The following GNAS variants were observed in gnomAD, a reference collection of about 807,000 sequenced individuals.
GNAS encodes protein ALEX.
A neutral mutation model predicts 54.5 loss-of-function variants in GNAS; 8 were observed. That is an observed-to-expected ratio of 0.15 (90% CI 0.09 to 0.26). The LOEUF (loss-of-function observed/expected upper bound fraction) is 0.26. GNAS is among the 10% of genes least tolerant of loss of function. The pLI is 1.00. For missense variants in GNAS, 170 were observed against 529.8 expected, an observed-to-expected ratio of 0.32 and a Z score of 6.67; for synonymous variants, 204 against 191.4, an observed-to-expected ratio of 1.07 and a Z score of -0.54.
chr20:58,853,253 C>A lies in GNAS; in HGVS notation c.43+12367C>A. ...GGAGCCCCAAACTTATTTTGAGAGG[C>A]CGCCACCGTGTTATGGGCGTGCGCA... On this transcript the variant is annotated intron_variant, in intron 1 of 12. Transcript: ENST00000306090. This position sits in a 1 kb window ranked among gnomAD's most constrained non-coding sequence, Gnocchi z 4.4. The A allele has an allele frequency of 6.5e-7, 1 of 1,528,158 alleles. No individual in the cohort carries two copies. Among genetic ancestry groups the A allele is most frequent in the Non-Finnish European group, 8.8e-7 (1 of 1,132,022 alleles). The allele number at this position is 1,528,158 out of a possible 1,614,324, so 94.7% of individuals were successfully genotyped here.
At chr20:58,902,194 C>T (rs1246072281) in intron 3 of GNAS, among the ~76,000 whole-genome samples, 1 of 152,054 alleles carries the variant, frequency 6.6e-6, no homozygotes, top group East Asian at 1.9e-4. Flanking sequence ...ATGACAACGC[C>T]CTCACCTCCC....
chr20:58,845,377 C>T (rs2145500891), intron 1 of GNAS, among the ~76,000 whole-genome samples: 1 of 152,206 alleles, frequency 6.6e-6, no homozygotes, highest in African/African-American at 2.4e-5. Flanking sequence ...CTTACTTGCC[C>T]CTCCCCATGA....
intron 1 of GNAS, among the ~76,000 whole-genome samples, chr20:58,866,925 A>G (rs1328714394): frequency 6.6e-6 from 1 of 152,172 alleles, no homozygotes; most frequent in East Asian, 1.9e-4. Flanking sequence ...TACTATCAGG[A>G]TTTCTTTAGG....
At position 58,849,496 on chromosome 20, in the gene GNAS, CT is replaced by C. The variant is rs34774634; in HGVS notation, c.43+8615del. 5.3e-5 allele frequency among the ~76,000 whole-genome samples: 8 copies of C among 152,322 alleles called. No individual in the cohort carries two copies. In the South Asian group the frequency reaches 1.7e-3, roughly 32 times the overall value. The stretch of plus-strand genomic sequence containing the variant: ...GCCAATTTGAATGTGTGATCTTTAT[CT>C]TTTTCTGAACTTCAGACCTTTCCTC... On this transcript the variant is annotated intron_variant, in intron 1 of 12. Transcript: ENST00000306090.
At chr20:58,870,384 C>T (rs2087359920) in intron 1 of GNAS, among the ~76,000 whole-genome samples, 1 of 152,240 alleles carries the variant, frequency 6.6e-6, no homozygotes, top group African/African-American at 2.4e-5. Context: ...ACCCTGTAGA[C>T]CGTGGGGAAC....
chr20:58,854,070 G>T, intron 1 of GNAS: 2 of 1,611,700 alleles, frequency 1.2e-6, no homozygotes, highest in East Asian at 2.2e-5. Context: ...CCTCACTCCC[G>T]CCGCGAACGC....
intron 1 of GNAS, among the ~76,000 whole-genome samples, chr20:58,878,098 G>T (rs148154167): frequency 4.6e-5 from 7 of 152,344 alleles, no homozygotes; most frequent in African/African-American, 1.4e-4. Context: ...GGAAGTGCAG[G>T]CTGTGTTGAG....
intron 1 of GNAS, among the ~76,000 whole-genome samples, chr20:58,894,432 C>T (rs1379178530): frequency 2.0e-5 from 3 of 152,048 alleles, no homozygotes; most frequent in Non-Finnish European, 4.4e-5. Flanking sequence ...ATATTGATTA[C>T]GGGCTTGTGA....
At chr20:58,903,336 T>TCCA in intron 3 of GNAS, 195 bp from the exon 4 acceptor site, 1 of 674,932 alleles carries the variant, frequency 1.5e-6, no homozygotes, top group Non-Finnish European at 2.7e-6. Flanking sequence ...ATTGGGCGTG[T>TCCA]CCTCAGGGCA....
chr20:58,849,232 C>T (rs2145525809), intron 1 of GNAS, among the ~76,000 whole-genome samples: 1 of 152,190 alleles, frequency 6.6e-6, no homozygotes, highest in Admixed American at 6.5e-5. Context: ...TTGCCTGGCC[C>T]CAAATACCAC....
chr20:58,907,361 C>T (rs1325669843), intron 6 of GNAS, among the ~76,000 whole-genome samples: 2 of 152,198 alleles, frequency 1.3e-5, no homozygotes, highest in Non-Finnish European at 2.9e-5. Context: ...CCTTCTTCAA[C>T]AAAGTCCCTG....
rs587778380 is a variant in GNAS, at chr20:58,898,945, G to T, written c.217G>T (p.Gly73Cys). 1.2e-6 allele frequency: 2 copies of T among 1,613,522 alleles called. No individual in the cohort carries two copies. Among genetic ancestry groups the T allele is most frequent in the East Asian group, 2.2e-5 (1 of 44,892 alleles). Reference sequence around the variant, plus strand: ...CTTTCAATCTCTCTTTAAAAGGGGCGGCGAAGAGGACCCGCAGGCTGCAAG... The same window carrying T: ...CTTTCAATCTCTCTTTAAAAGGGGCTGCGAAGAGGACCCGCAGGCTGCAAG... ...LHVNGFNGEGGEEDPQAARSN... is the reference protein window; with the variant it reads ...LHVNGFNGEGCEEDPQAARSN... Residue 73 changes from glycine to cysteine, a missense_variant, in exon 3 of 13, where the codon GGC becomes TGC. By Grantham distance (159) the Gly-to-Cys change is radical. Transcript: ENST00000371085.
chr20:58,851,687 G>A (rs534144163), intron 1 of GNAS, among the ~76,000 whole-genome samples: 18 of 152,382 alleles, frequency 1.2e-4, no homozygotes, highest in African/African-American at 4.1e-4. Flanking sequence ...CAGCATGGTA[G>A]CGGGAGCGCA....
At chr20:58,852,958 A>T in intron 1 of GNAS, 1 of 1,104,328 alleles carries the variant, frequency 9.1e-7, no homozygotes, top group Non-Finnish European at 1.1e-6. Flanking sequence ...CCTGGAGCAA[A>T]AAGAAAGAGA....
intron 1 of GNAS, among the ~76,000 whole-genome samples, chr20:58,861,302 G>A (rs530275961): frequency 8.5e-5 from 13 of 152,288 alleles, no homozygotes; most frequent in African/African-American, 2.9e-4. Context: ...AAGGGACAGG[G>A]CCAATTGATG....
intron 6 of GNAS, among the ~76,000 whole-genome samples, 188 bp downstream of exon 6, chr20:58,905,668 TTTTC>T (rs1462980158): frequency 6.6e-6 from 1 of 152,224 alleles, no homozygotes; most frequent in African/African-American, 2.4e-5. Context: ...ATTGCATTTT[TTTTC>T]TTTTAGTGCA....
At chr20:58,859,323 C>T (rs2086660322) in intron 1 of GNAS, among the ~76,000 whole-genome samples, 1 of 152,126 alleles carries the variant, frequency 6.6e-6, no homozygotes, top group South Asian at 2.1e-4. Flanking sequence ...GCCTCAGTCT[C>T]CAGAGTAGCT....
chr20:58,877,385 C>T (rs1335975047), intron 1 of GNAS, among the ~76,000 whole-genome samples: 2 of 152,148 alleles, frequency 1.3e-5, no homozygotes, highest in African/African-American at 4.8e-5. Flanking sequence ...CCCAAAGGAG[C>T]CACCTGCTAC....
chr20:58,853,600 G>A lies in GNAS; in HGVS notation c.43+12714G>A. 2 of 1,613,360 alleles carry A rather than the reference G, an allele frequency of 1.2e-6. No individual in the cohort carries two copies. Among genetic ancestry groups the A allele is most frequent in the Non-Finnish European group, 1.7e-6 (2 of 1,179,898 alleles). ...TTCGAGGCTGAACAGCCCAGCTTGG[G>A]AGGCTTCTGGCCTACACTGGAGCAG... On this transcript the variant is annotated intron_variant, in intron 1 of 12. Transcript: ENST00000306090. The surrounding 1 kb of genome is among the most constrained non-coding windows in gnomAD (Gnocchi z 4.4).
Sources: gnomAD v4.1 joint callset for allele counts (sites outside exome capture counted in the v4.1 genomes callset) on GRCh38, gnomAD v4.1.1 for gene constraint, Gnocchi (gnomAD v3.1) non-coding constraint, MANE v1.5 for transcripts, NCBI Gene and HGNC (gene_info 2026-07-23, HGNC 2026-07-21) for gene names.